LMO7: variants seen among roughly 807,000 people sequenced by gnomAD.
LMO7 encodes LIM domain 7, also known as LIM domain only protein 7.
A neutral mutation model predicts 206.5 loss-of-function variants in LMO7; 120 were observed. The observed-to-expected ratio is 0.58, with a 90% CI of 0.50 to 0.68. The LOEUF (loss-of-function observed/expected upper bound fraction) is 0.68. Ranked by LOEUF, LMO7 falls within the 30% of genes least tolerant of loss-of-function variation. The pLI is 0.00. For synonymous variants in LMO7, 706 were observed against 681.5 expected (o/e 1.04, Z -0.56); for missense variants, 1,959 against 1,957.9 (o/e 1.00, Z -0.01).
At chr13:75,632,598 C>T (rs1467212518), upstream of LMO7, among the ~76,000 whole-genome samples, 1 of 152,246 alleles carries the variant, frequency 6.6e-6, no homozygotes, top group Non-Finnish European at 1.5e-5. Flanking sequence ...ATTCTGGTAG[C>T]TTGCTAATAT....
intron 7 of LMO7, among the ~76,000 whole-genome samples, chr13:75,802,338 T>A (rs10507834): frequency 0.038 from 5,714 of 152,288 alleles, 132 homozygotes; most frequent in Non-Finnish European, 0.053. Flanking sequence ...AGATGACGAT[T>A]CCAATACGTT....
At chr13:75,849,420 G>A in intron 27 of LMO7, 128 bp downstream of exon 27, 2 of 661,246 alleles carry the variant, frequency 3.0e-6, no homozygotes, top group Non-Finnish European at 5.3e-6. Context: ...GCACTATTAT[G>A]TGTCAGTTTA....
intron 1 of LMO7, among the ~76,000 whole-genome samples, chr13:75,691,808 C>G (rs924101032): frequency 1.3e-5 from 2 of 152,062 alleles, no homozygotes; most frequent in Non-Finnish European, 2.9e-5. Context: ...ACTGACCCCC[C>G]ATTCACCCCT....
chr13:75,669,370 AC>A (rs149592812), intron 1 of LMO7, among the ~76,000 whole-genome samples: 1,921 of 150,884 alleles, frequency 0.013, 46 homozygotes, highest in African/African-American at 0.044. Context: ...CAGAAAAGTG[AC>A]CCCCCCGCCG....
intron 23 of LMO7, 124 bp from the exon 24 acceptor site, chr13:75,841,503 GT>G: frequency 5.7e-6 from 4 of 697,236 alleles, no homozygotes; most frequent in African/African-American, 1.8e-5. Context: ...CTCTTAACAT[GT>G]TTTTTGAGTG....
chr13:75,826,047 A>G (rs564637691), intron 15 of LMO7, among the ~76,000 whole-genome samples: 2 of 151,554 alleles, frequency 1.3e-5, no homozygotes, highest in African/African-American at 2.4e-5. Context: ...TTAATTAATT[A>G]ATTGATTTTT....
upstream of LMO7, among the ~76,000 whole-genome samples, chr13:75,635,288 C>T (rs2035635053): frequency 6.6e-6 from 1 of 152,078 alleles, no homozygotes; most frequent in African/African-American, 2.4e-5. Context: ...AAGATGAAGC[C>T]ATCAACCTGT....
At chr13:75,831,257 TA>T (rs1566568317) in intron 15 of LMO7, among the ~76,000 whole-genome samples, 1 of 152,184 alleles carries the variant, frequency 6.6e-6, no homozygotes, top group East Asian at 1.9e-4. Context: ...CACTGAGATA[TA>T]AACAATTATT....
At chr13:75,738,530 T>C (rs2046145380) in intron 3 of LMO7, among the ~76,000 whole-genome samples, 1 of 152,212 alleles carries the variant, frequency 6.6e-6, no homozygotes, top group African/African-American at 2.4e-5. Flanking sequence ...CTCACTTGGC[T>C]GAGTTTAATT....
At chr13:75,641,507 G>C (rs2036526167) in intron 1 of LMO7, among the ~76,000 whole-genome samples, 2 of 152,124 alleles carry the variant, frequency 1.3e-5, no homozygotes, top group South Asian at 4.1e-4. Context: ...TATCACTCAA[G>C]AGAGTTCCTT....
At chr13:75,761,397 A>C (rs907701879) in intron 4 of LMO7, among the ~76,000 whole-genome samples, 4 of 152,182 alleles carry the variant, frequency 2.6e-5, no homozygotes, top group African/African-American at 9.6e-5. Flanking sequence ...AACAATCTTT[A>C]AATTTTTTTA....
chr13:75,799,228 C>G (rs2054425187), intron 6 of LMO7, among the ~76,000 whole-genome samples: 1 of 152,138 alleles, frequency 6.6e-6, no homozygotes, highest in Non-Finnish European at 1.5e-5. Context: ...CAAAAGTATG[C>G]CTGAGACAGC....
chr13:75,620,762 A>G (rs553887019), exon 1 of LMO7: 7 of 152,296 alleles, frequency 4.6e-5, no homozygotes, highest in African/African-American at 1.4e-4. Context: ...TCCAATTGAT[A>G]AGCTTTCCCA....
chr13:75,801,269 T>C (rs964032874), intron 7 of LMO7, among the ~76,000 whole-genome samples: 1 of 151,322 alleles, frequency 6.6e-6, no homozygotes, highest in Non-Finnish European at 1.5e-5. Flanking sequence ...AGTTTCTGAG[T>C]AACTTTCATC....
At chr13:75,743,871 A>G (rs1353620904) in intron 3 of LMO7, among the ~76,000 whole-genome samples, 1 of 152,154 alleles carries the variant, frequency 6.6e-6, no homozygotes, top group Admixed American at 6.5e-5. Context: ...ACGAAAACAC[A>G]CTAAAAAAAT....
At chr13:75,714,762 C>T (rs1326755635) in intron 2 of LMO7, among the ~76,000 whole-genome samples, 2 of 152,048 alleles carry the variant, frequency 1.3e-5, no homozygotes, top group African/African-American at 4.8e-5. Flanking sequence ...GTTACTTTAT[C>T]TTAATTTGAA....
chr13:75,780,095 A>T (rs2051095611), intron 4 of LMO7, among the ~76,000 whole-genome samples: 1 of 152,206 alleles, frequency 6.6e-6, no homozygotes. Context: ...GCAAATGGGC[A>T]GGGCAAGGTC....
chr13:75,745,920 G>T (rs957750046), intron 3 of LMO7, among the ~76,000 whole-genome samples: 5 of 152,188 alleles, frequency 3.3e-5, no homozygotes, highest in Admixed American at 2.0e-4. Context: ...TCAGCTGACT[G>T]CAGATTTTGG....
chr13:75,643,370 C>A (rs9805424), intron 1 of LMO7, among the ~76,000 whole-genome samples: 4,200 of 152,284 alleles, frequency 0.028, 187 homozygotes, highest in African/African-American at 0.095. Flanking sequence ...GGAAGAAATA[C>A]ACCTTGCAGG....
Sources: gnomAD v4.1 joint callset for allele counts (sites outside exome capture counted in the v4.1 genomes callset) on GRCh38, gnomAD v4.1.1 for gene constraint, MANE v1.5 for transcripts, NCBI Gene and HGNC (gene_info 2026-07-23, HGNC 2026-07-21) for gene names.